The following KNTC1 variants were observed in gnomAD, a reference collection of about 807,000 sequenced individuals.
The protein encoded by KNTC1 is kinetochore-associated protein 1.
Under a neutral mutation model 314.4 loss-of-function variants are expected in KNTC1, and 253 were observed. The ratio of observed to expected loss-of-function variants is 0.80; its 90% CI spans 0.73 to 0.89. The LOEUF (loss-of-function observed/expected upper bound fraction) is 0.89, where lower values mean the gene tolerates loss of function less well. Among genes scored for constraint, KNTC1 ranks in the 40% least tolerant of loss-of-function variants. The pLI is 0.00. For synonymous variants in KNTC1, 901 were observed against 901.4 expected, an observed-to-expected ratio of 1.00 and a Z score of 0.01; for missense variants, 2,475 against 2,572.9, an observed-to-expected ratio of 0.96 and a Z score of 0.82.
chr12:122,556,389 T>C (rs188913946), intron 16 of KNTC1, among the ~76,000 whole-genome samples: 12 of 151,952 alleles, frequency 7.9e-5, no homozygotes, highest in African/African-American at 2.9e-4. Context: ...CATTCCTCCT[T>C]CTAACTGAAG....
intron 43 of KNTC1, 126 bp from the exon 44 acceptor site, chr12:122,597,605 T>C (rs1433494760): frequency 3.9e-6 from 3 of 769,310 alleles, no homozygotes; most frequent in Non-Finnish European, 6.6e-6. Flanking sequence ...TTGTCTGATT[T>C]TGAGACTGGA....
Position 122,605,344 on chromosome 12 carries a change from G to A in KNTC1, c.5425G>A (p.Glu1809Lys). ...AGCTAAAGAAATAGCCGAAGTCAAT[G>A]AAATTAATTTGGAAAAAGTCTGGGA... The part of the protein sequence containing the change: ...AAAKEIAEVN[E>K]INLEKVWDML... The change falls in exon 51 of 64, where the codon GAA (glutamate) becomes AAA (lysine). Residue 1809 changes from glutamate to lysine, a missense_variant. Transcript: ENST00000333479. 1.2e-6 allele frequency: 2 copies of A among 1,605,376 alleles called. No homozygotes were observed. Among genetic ancestry groups the A allele is most frequent in the Non-Finnish European group, 1.7e-6 (2 of 1,175,652 alleles).
intron 12 of KNTC1, among the ~76,000 whole-genome samples, chr12:122,548,962 C>T (rs548474070): frequency 1.3e-5 from 2 of 152,076 alleles, no homozygotes; most frequent in South Asian, 4.2e-4. Context: ...AGCGAAACTC[C>T]ATCTCAAAAA....
Position 122,580,588 on chromosome 12 carries a change from A to C in KNTC1, c.2915-15A>C. 1 of 1,506,026 alleles carries C rather than the reference A, an allele frequency of 6.6e-7. No homozygotes were observed. The highest frequency in any genetic ancestry group is 9.0e-7 in the Non-Finnish European group (1 of 1,109,120). The allele number at this position is 1,506,026 out of a possible 1,614,324, so 93.3% of individuals were successfully genotyped here. On this transcript the variant is annotated splice_polypyrimidine_tract_variant and intron_variant, in intron 32 of 63. Coordinates refer to ENST00000333479, the MANE Select transcript of KNTC1 (RefSeq NM_014708.6). ...ATTTGCATGTCTGCTATAACTTTTA[A>C]AAATTTAATTACAGACAATCTGCAG...
chr12:122,610,697 C>A, intron 52 of KNTC1, 125 bp from the exon 53 acceptor site: 3 of 633,306 alleles, frequency 4.7e-6, no homozygotes, highest in East Asian at 2.7e-5. Context: ...TGTCATTGAC[C>A]CATTATCCTT....
chr12:122,585,889 A>T (rs1253049983), intron 37 of KNTC1, 115 bp downstream of exon 37: 1 of 883,982 alleles, frequency 1.1e-6, no homozygotes. Flanking sequence ...TATAAGCGTA[A>T]TGTGGAGCTA....
chr12:122,585,632 C>T lies in KNTC1; in HGVS notation c.3535-4C>T. 3 of 1,613,652 alleles carry T rather than the reference C, an allele frequency of 1.9e-6. No individual in the cohort carries two copies. The highest frequency in any genetic ancestry group is 2.5e-6 in the Non-Finnish European group (3 of 1,179,770). Reference sequence around the variant, plus strand: ...CTCTCTTTTTTGTATGATTTGGCACCTAGGCTTCTTTTGGGACACATAAAG... The same window carrying T: ...CTCTCTTTTTTGTATGATTTGGCACTTAGGCTTCTTTTGGGACACATAAAG... On this transcript the variant is annotated splice_polypyrimidine_tract_variant and splice_region_variant and intron_variant, in intron 36 of 63. Transcript: ENST00000333479.
At chr12:122,620,810 G>A (rs993328538) in intron 60 of KNTC1, among the ~76,000 whole-genome samples, 1 of 152,204 alleles carries the variant, frequency 6.6e-6, no homozygotes, top group Non-Finnish European at 1.5e-5. Flanking sequence ...CTTACAAGGG[G>A]TTTGGGCCTT....
At chr12:122,532,533 T>C (rs1961445439) in intron 2 of KNTC1, among the ~76,000 whole-genome samples, 2 of 152,174 alleles carry the variant, frequency 1.3e-5, no homozygotes, top group Admixed American at 6.6e-5. Flanking sequence ...ATCAGGAGCC[T>C]TAAAACGTGG....
intron 2 of KNTC1, among the ~76,000 whole-genome samples, chr12:122,531,689 G>C (rs547375900): frequency 2.6e-4 from 40 of 152,024 alleles, no homozygotes; most frequent in Non-Finnish European, 5.0e-4. Context: ...CGAGACATCT[G>C]AAAGCACAGT....
chr12:122,548,445 T>TG (rs1487527481), intron 12 of KNTC1, among the ~76,000 whole-genome samples: 1 of 151,916 alleles, frequency 6.6e-6, no homozygotes, highest in African/African-American at 2.4e-5. Context: ...CCTGACCTGG[T>TG]GATTTGCCTG....
chr12:122,530,299 A>G (rs111770824), intron 2 of KNTC1, 107 bp downstream of exon 2: 13 of 920,262 alleles, frequency 1.4e-5, no homozygotes, highest in African/African-American at 8.2e-5. Flanking sequence ...GCACTTCCTC[A>G]GGGAATCAAG....
intron 59 of KNTC1, among the ~76,000 whole-genome samples, chr12:122,618,800 C>G (rs1280811407): frequency 2.0e-5 from 3 of 152,082 alleles, no homozygotes; most frequent in Non-Finnish European, 4.4e-5. Context: ...TCCTGAGTAG[C>G]TGGGATTACA....
At chr12:122,578,526 G>A (rs759412087) in intron 31 of KNTC1, among the ~76,000 whole-genome samples, 17 of 152,052 alleles carry the variant, frequency 1.1e-4, no homozygotes, top group Admixed American at 2.0e-4. Context: ...AGGTTGAAGC[G>A]ATTCTCCTGC....
rs144036193 is a variant in KNTC1, at chr12:122,533,525, G to A, written c.130-1139G>A. On this transcript the variant is annotated intron_variant, in intron 2 of 63. Coordinates refer to ENST00000333479, the MANE Select transcript of KNTC1 (RefSeq NM_014708.6). ...GCCTGGCCAACACAGTGAAAACCCC[G>A]TCTCTATAAAAGAAAAAGAAAATTA... is the stretch of plus-strand genomic sequence containing the variant. 7.6e-3 allele frequency among the ~76,000 whole-genome samples: 1,161 copies of A among 152,064 alleles called. 13 individuals carry two copies. Among genetic ancestry groups the A allele is most frequent in the African/African-American group, 0.027 (1,119 of 41,456 alleles).
At chr12:122,540,364 G>T (rs1962208748) in intron 5 of KNTC1, among the ~76,000 whole-genome samples, 1 of 151,990 alleles carries the variant, frequency 6.6e-6, no homozygotes, top group South Asian at 2.1e-4. Flanking sequence ...TAGAGATGGG[G>T]TTTCACCATG....
chr12:122,584,984 C>T lies in KNTC1; in HGVS notation c.3528C>T (p.Leu1176=). ...GCCAAATGGATGACTGTGGAATCCT[C>T]ATGAAAGTAAGTTACTTTTGAGTTT... ...RQCQMDDCGI[L]MKASFGTHKD... is the part of the protein sequence containing the mutation. The change falls in exon 36 of 64, where the codon CTC becomes CTT. Residue 1176 remains leucine (L), a synonymous_variant. Transcript: ENST00000333479. 1 of 1,573,068 alleles carries T rather than the reference C, an allele frequency of 6.4e-7. No individual in the cohort carries two copies. Among genetic ancestry groups the T allele is most frequent in the Non-Finnish European group, 8.7e-7 (1 of 1,144,504 alleles).
rs766562256 is a variant in KNTC1, at chr12:122,605,376, G to C, written c.5457G>C (p.Leu1819Phe). ...EINLEKVWDM[L>F]LEKWLCPSTK... ...ATTTGGAAAAAGTCTGGGACATGTT[G>C]TTGGAAAAATGGCTATGCCCTTCAA... Residue 1819 changes from leucine (L) to phenylalanine (F), a missense_variant, in exon 51 of 64, where the codon TTG becomes TTC. By Grantham distance (22) the Leu-to-Phe change is conservative (BLOSUM62 0). Transcript: ENST00000333479. 3 of 1,604,354 alleles carry C rather than the reference G, an allele frequency of 1.9e-6. No individual in the cohort carries two copies. Among genetic ancestry groups the C allele is most frequent in the Non-Finnish European group, 2.6e-6 (3 of 1,175,060 alleles).
rs369244591 is a variant in KNTC1, at chr12:122,571,136, G to A, written c.2019+10G>A. 3 of 1,595,728 alleles carry A rather than the reference G, an allele frequency of 1.9e-6. No individual in the cohort carries two copies. The African/African-American group carries it at 4.0e-5, about 21-fold the overall frequency. On this transcript the variant is annotated intron_variant, in intron 24 of 63. Coordinates refer to ENST00000333479, the MANE Select transcript of KNTC1 (RefSeq NM_014708.6). ...GCATTGGATTTCCTTGGTATGATGT[G>A]AGAATGGATTTTTAGTAATGAAACA... is the stretch of plus-strand genomic sequence containing the variant.
Sources: gnomAD v4.1 joint callset for allele counts (sites outside exome capture counted in the v4.1 genomes callset) on GRCh38, gnomAD v4.1.1 for gene constraint, MANE v1.5 for transcripts, NCBI Gene and HGNC (gene_info 2026-07-23, HGNC 2026-07-21) for gene names.